Variants in CETN3 observed in about 807,000 individuals in gnomAD.
The protein encoded by CETN3 is centrin 3.
CETN3 carries 17 observed loss-of-function variants against 20.1 expected under a neutral mutation model. That is an observed-to-expected ratio of 0.85 (90% CI 0.58 to 1.27). The LOEUF is 1.27. Among genes scored for constraint, CETN3 ranks in the 50% most tolerant of loss-of-function variants. CETN3 has a pLI of 0.00. For synonymous variants in CETN3, 52 were observed against 59.7 expected (o/e 0.87, Z 0.59); for missense variants, 169 against 191.2 (o/e 0.88, Z 0.69).
At chr5:90,398,241 C>A (rs977443393) in intron 4 of CETN3, among the ~76,000 whole-genome samples, 1 of 152,070 alleles carries the variant, frequency 6.6e-6, no homozygotes, top group South Asian at 2.1e-4. Context: ...GAGAGAAGAA[C>A]ACTAAAGTCC....
intron 4 of CETN3, chr5:90,395,902 C>T: frequency 2.2e-6 from 2 of 921,468 alleles, no homozygotes; most frequent in East Asian, 1.2e-4. Context: ...GTTCTAGAAA[C>T]CACATAGAAA....
At chr5:90,407,369 C>A (rs1749479629) in intron 2 of CETN3, among the ~76,000 whole-genome samples, 1 of 151,916 alleles carries the variant, frequency 6.6e-6, no homozygotes, top group African/African-American at 2.4e-5. Flanking sequence ...GAAACAAAAA[C>A]AAAAACAAAA....
chr5:90,406,843 AAAAAAAAAAAAAC>A (rs796148553), intron 2 of CETN3, among the ~76,000 whole-genome samples: 2,166 of 144,466 alleles, frequency 0.015, 65 homozygotes, highest in African/African-American at 0.057. Context: ...GGGTAACCAA[AAAAAAAAAAAAAC>A]AAAAAAAACA....
intron 3 of CETN3, among the ~76,000 whole-genome samples, chr5:90,401,280 T>C (rs1361378481): frequency 6.6e-6 from 1 of 152,192 alleles, no homozygotes; most frequent in South Asian, 2.1e-4. Flanking sequence ...ACCTAATATA[T>C]AACTTTATAA....
intron 3 of CETN3, among the ~76,000 whole-genome samples, chr5:90,400,309 T>C (rs1749252285): frequency 6.6e-6 from 1 of 152,036 alleles, no homozygotes; most frequent in Non-Finnish European, 1.5e-5. Context: ...TCAATGGTAA[T>C]TGTGTATTTT....
intron 4 of CETN3, chr5:90,396,437 T>C (rs898953433): frequency 1.3e-6 from 2 of 1,504,858 alleles, no homozygotes; most frequent in African/African-American, 2.8e-5. Flanking sequence ...CCTCTCTCTT[T>C]CCAATAAATA....
chr5:90,400,904 C>A (rs1475648390), intron 3 of CETN3, among the ~76,000 whole-genome samples: 1 of 152,122 alleles, frequency 6.6e-6, no homozygotes. Flanking sequence ...ACAGCCATAA[C>A]ACCAAAATAA....
chr5:90,399,827 C>A (rs1283272517), intron 3 of CETN3, among the ~76,000 whole-genome samples: 2 of 152,106 alleles, frequency 1.3e-5, no homozygotes, highest in Non-Finnish European at 2.9e-5. Context: ...AAAAGGACTA[C>A]ATTTATACCA....
intron 4 of CETN3, chr5:90,396,683 G>T: frequency 3.1e-6 from 2 of 646,178 alleles, no homozygotes; most frequent in African/African-American, 1.9e-5. Context: ...GTTACTTAAA[G>T]ATCTAGAACT....
At position 90,409,718 on chromosome 5, in the gene CETN3, C is replaced by T. The variant is rs530946058; in HGVS notation, c.-57G>A. The T allele has an allele frequency of 5.5e-5, 88 of 1,608,404 alleles. No homozygotes were observed. In the Admixed American group the frequency reaches 5.5e-4, roughly 10 times the overall value. ...AACGATTTTAACCCCCTACCCAAGG[C>T]AGCAAGACGCCCACAGCCGTTCAAC... On this transcript the variant is annotated 5_prime_UTR_variant, in exon 1 of 5. Coordinates refer to ENST00000283122, the MANE Select transcript of CETN3 (RefSeq NM_004365.4).
intron 4 of CETN3, 55 bp from the exon 5 acceptor site, chr5:90,394,162 GA>G: frequency 8.1e-7 from 1 of 1,230,170 alleles, no homozygotes; most frequent in Non-Finnish European, 1.2e-6. Flanking sequence ...TATTTTTTCA[GA>G]ATCCACGACT....
intron 4 of CETN3, among the ~76,000 whole-genome samples, chr5:90,397,335 T>C (rs1476447473): frequency 6.6e-6 from 1 of 152,134 alleles, no homozygotes; most frequent in Non-Finnish European, 1.5e-5. Flanking sequence ...AGTTCCTATA[T>C]CTAATAAATC....
At chr5:90,405,365 T>C (rs1181650112) in intron 3 of CETN3, 1 of 321,462 alleles carries the variant, frequency 3.1e-6, no homozygotes. Flanking sequence ...GCAAAAATAA[T>C]TTTTTGATCA....
At chr5:90,403,333 T>A (rs756414161) in intron 3 of CETN3, among the ~76,000 whole-genome samples, 1 of 152,208 alleles carries the variant, frequency 6.6e-6, no homozygotes, top group Admixed American at 6.5e-5. Context: ...AGTTCCTGAA[T>A]GATTCCCAAA....
chr5:90,395,447 A>G (rs1749116815), intron 4 of CETN3, among the ~76,000 whole-genome samples: 1 of 152,078 alleles, frequency 6.6e-6, no homozygotes, highest in Admixed American at 6.5e-5. Flanking sequence ...TTTTATTATT[A>G]AAATTTAATT....
intron 3 of CETN3, among the ~76,000 whole-genome samples, chr5:90,403,296 A>G (rs1296514424): frequency 2.0e-5 from 3 of 152,204 alleles, no homozygotes; most frequent in Admixed American, 6.5e-5. Context: ...GATTAGTTAA[A>G]AATAATCAAC....
In CETN3 at chr5:90,395,916, G is replaced by C. The variant is rs188050247; in HGVS notation, c.461-1809C>G. On this transcript the variant is annotated intron_variant, in intron 4 of 4. Coordinates refer to ENST00000283122, the MANE Select transcript of CETN3 (RefSeq NM_004365.4). ...GGTTCTAGAAACCACATAGAAAACC[G>C]GTTTTGATAACTATGTTAGTCAGTT... 3 of 920,450 alleles carry C rather than the reference G, an allele frequency of 3.3e-6. No individual in the cohort carries two copies. In the African/African-American group the frequency reaches 5.4e-5, roughly 17 times the overall value. The allele number at this position is 920,450 out of a possible 1,614,324, so 57.0% of individuals were successfully genotyped here.
intron 1 of CETN3, 142 bp from the exon 2 acceptor site, chr5:90,407,976 C>T: frequency 3.4e-6 from 2 of 582,864 alleles, no homozygotes; most frequent in Middle Eastern, 3.8e-4. Flanking sequence ...AGTCAATGAC[C>T]TGTTTATTCC....
intron 4 of CETN3, among the ~76,000 whole-genome samples, chr5:90,398,279 T>C (rs1470404755): frequency 6.6e-6 from 1 of 152,170 alleles, no homozygotes; most frequent in Non-Finnish European, 1.5e-5. Context: ...GTCTAATCTT[T>C]AGCAGTTTAA....
Sources: allele counts gnomAD v4.1 joint callset (sites outside exome capture counted in the v4.1 genomes callset), GRCh38; gene constraint gnomAD v4.1.1; transcripts MANE v1.5; gene names NCBI Gene and HGNC (gene_info 2026-07-23, HGNC 2026-07-21).